The following LUZP4 variants were observed in gnomAD, a reference collection of about 807,000 sequenced individuals.
LUZP4 encodes leucine zipper protein 4.
LUZP4 carries 11 observed loss-of-function variants against 8.5 expected under a neutral mutation model. The observed-to-expected ratio is 1.30, with a 90% CI of 0.82 to 2.14. The LOEUF (loss-of-function observed/expected upper bound fraction) is 2.14, where lower values mean the gene tolerates loss of function less well. LUZP4 is among the 30% of genes most tolerant of loss of function. The pLI, the probability that LUZP4 is intolerant of heterozygous loss-of-function variation, is 0.00. For synonymous variants in LUZP4, 104 were observed against 79.4 expected, an observed-to-expected ratio of 1.31 and a Z score of -1.65; for missense variants, 276 against 229.7, an observed-to-expected ratio of 1.20 and a Z score of -1.30.
Position 115,307,027 on chromosome X carries a change from T to G in LUZP4, c.*223T>G. The G allele has an allele frequency of 2.4e-6, 1 of 412,081 alleles. No individual in the cohort carries two copies. Among genetic ancestry groups the G allele is most frequent in the Non-Finnish European group, 4.2e-6 (1 of 237,303 alleles). 34.0% of individuals were successfully genotyped at this position (412,081 alleles called of 1,213,427 possible). Reference sequence around the variant, plus strand: ...TTAAGTTGTTCCCGGTAGGTCTGCTTTCCCTGGAAGAGCCGTATGTACTCA... The same window carrying G: ...TTAAGTTGTTCCCGGTAGGTCTGCTGTCCCTGGAAGAGCCGTATGTACTCA... On this transcript the variant is annotated 3_prime_UTR_variant, in exon 4 of 4. Coordinates refer to ENST00000371920, the MANE Select transcript of LUZP4 (RefSeq NM_016383.5).
At position 115,293,308 on chromosome X, in the gene LUZP4, T is replaced by A. The variant is rs190136049; in HGVS notation, c.91+3458T>A. ...TTTTTTTCTTTTTTGAAATGGGATC[T>A]CACTCTGTCACCCAGGCTGGAGTGC... On this transcript the variant is annotated intron_variant, in intron 1 of 3. Coordinates refer to ENST00000371920, the MANE Select transcript of LUZP4 (RefSeq NM_016383.5). Among the ~76,000 whole-genome samples the A allele has an allele frequency of 2.7e-5, 3 of 109,307 alleles. No individual in the cohort carries two copies. The Admixed American group carries it at 2.9e-4, about 11-fold the overall frequency. 94.9% of individuals were successfully genotyped at this position (109,307 alleles called of 115,157 possible).
chrX:115,302,021 G>T lies in LUZP4; in HGVS notation c.121G>T (p.Gly41Trp), dbSNP rs1603137962. ...DDIIIYKELE[G>W]TNAEEEKNKR... Reference sequence around the variant, plus strand: ...CATTATAATCTATAAAGAGTTAGAAGGGACAAATGCTGAAGAAGAAAAGAA... The same window carrying T: ...CATTATAATCTATAAAGAGTTAGAATGGACAAATGCTGAAGAAGAAAAGAA... Residue 41 changes from glycine to tryptophan, a missense_variant, in exon 2 of 4, where the codon GGG becomes TGG. Coordinates refer to ENST00000371920, the MANE Select transcript of LUZP4 (RefSeq NM_016383.5). 1.7e-6 allele frequency: 2 copies of T among 1,166,151 alleles called. No individual in the cohort carries two copies. Among genetic ancestry groups the T allele is most frequent in the East Asian group, 6.1e-5 (2 of 33,029 alleles).
chrX:115,289,820 AAAAAGGTTAACT>A lies in LUZP4; in HGVS notation c.62_73del (p.Lys21_Phe25delinsIle). On this transcript the variant is annotated inframe_deletion, in exon 1 of 4. Coordinates refer to ENST00000371920, the MANE Select transcript of LUZP4 (RefSeq NM_016383.5). ...AGTGCCGCCAAATCATCCCAGTCGG[AAAAAGGTTAACT>A]TCCTAGATATGTCTCTAGGTATGTA... The A allele has an allele frequency of 8.3e-7, 1 of 1,204,504 alleles. No individual in the cohort carries two copies. Among genetic ancestry groups the A allele is most frequent in the Non-Finnish European group, 1.1e-6 (1 of 889,786 alleles).
In LUZP4 at chrX:115,306,520, G is replaced by C. The variant is rs879953243; in HGVS notation, c.658G>C (p.Gly220Arg). The C allele has an allele frequency of 6.6e-6, 8 of 1,206,277 alleles. No homozygotes were observed. The highest frequency in any genetic ancestry group is 6.6e-5 in the Admixed American group (3 of 45,405). Reference sequence around the variant, plus strand: ...TCATGGTCACTCAGAGAGATCTCATGGTCACTCAGAGAGATCTCATGGTCA... The same window carrying C: ...TCATGGTCACTCAGAGAGATCTCATCGTCACTCAGAGAGATCTCATGGTCA... Reference protein sequence around the residue: ...RSHGHSERSHGHSERSHGHSK... With the variant: ...RSHGHSERSHRHSERSHGHSK... Residue 220 changes from glycine (G) to arginine (R), a missense_variant, in exon 4 of 4, where the codon GGT becomes CGT. Coordinates refer to ENST00000371920, the MANE Select transcript of LUZP4 (RefSeq NM_016383.5).
intron 1 of LUZP4, among the ~76,000 whole-genome samples, chrX:115,295,621 G>A (rs1263212620): frequency 9.0e-6 from 1 of 111,146 alleles, no homozygotes; most frequent in Non-Finnish European, 1.9e-5. Flanking sequence ...GCTAAAGTAG[G>A]AAAAGGCTCT....
chrX:115,302,571 GT>G (rs1422780144), intron 2 of LUZP4, among the ~76,000 whole-genome samples: 1 of 112,906 alleles, frequency 8.9e-6, no homozygotes, highest in African/African-American at 3.2e-5. Flanking sequence ...AACCTCATTG[GT>G]AATTGCAGTA....
chrX:115,306,476 A>G lies in LUZP4; in HGVS notation c.614A>G (p.His205Arg), dbSNP rs782712614. ...KRSHGQSERS[H>R]GHSERSHGHS... Reference sequence around the variant, plus strand: ...TCTCATGGTCAATCTGAGAGATCTCATGGCCACTCAGAGAGATCTCATGGT... The same window carrying G: ...TCTCATGGTCAATCTGAGAGATCTCGTGGCCACTCAGAGAGATCTCATGGT... Residue 205 changes from histidine (H) to arginine (R), a missense_variant, in exon 4 of 4, where the codon CAT becomes CGT. Coordinates refer to ENST00000371920, the MANE Select transcript of LUZP4 (RefSeq NM_016383.5). 1 of 1,211,526 alleles carries G rather than the reference A, an allele frequency of 8.3e-7. No homozygotes were observed. Among genetic ancestry groups the G allele is most frequent in the Non-Finnish European group, 1.1e-6 (1 of 895,445 alleles).
At chrX:115,294,284 A>G (rs1175701356) in intron 1 of LUZP4, among the ~76,000 whole-genome samples, 3 of 112,496 alleles carry the variant, frequency 2.7e-5, no homozygotes, top group Non-Finnish European at 5.6e-5. Flanking sequence ...AATAAGGGCC[A>G]TAGTTGCAGA....
chrX:115,291,338 A>G (rs968764263), intron 1 of LUZP4, among the ~76,000 whole-genome samples: 5 of 111,048 alleles, frequency 4.5e-5, no homozygotes, highest in East Asian at 2.9e-4. Flanking sequence ...GCCTCAAGCA[A>G]TCCTCCCGGC....
At chrX:115,299,298 C>T (rs2073384939) in intron 1 of LUZP4, among the ~76,000 whole-genome samples, 1 of 110,669 alleles carries the variant, frequency 9.0e-6, no homozygotes, top group East Asian at 2.9e-4. Flanking sequence ...CTCCCGGCTA[C>T]TGCCCAGCTT....
chrX:115,299,924 G>A (rs2073388822), intron 1 of LUZP4, among the ~76,000 whole-genome samples: 1 of 111,878 alleles, frequency 8.9e-6, no homozygotes, highest in African/African-American at 3.3e-5. Flanking sequence ...TGCCAGGGCT[G>A]GGTCCTTTCC....
At chrX:115,291,042 G>A (rs186362326) in intron 1 of LUZP4, among the ~76,000 whole-genome samples, 7 of 110,625 alleles carry the variant, frequency 6.3e-5, no homozygotes, top group Non-Finnish European at 1.1e-4. Context: ...CAAGTGATCC[G>A]CCCTTCTCGG....
intron 2 of LUZP4, among the ~76,000 whole-genome samples, 162 bp from the exon 3 acceptor site, chrX:115,303,138 C>G (rs1385284064): frequency 1.8e-5 from 2 of 111,281 alleles, no homozygotes; most frequent in Non-Finnish European, 3.8e-5. Flanking sequence ...AAAGACTGTT[C>G]TAGAATTCAG....
chrX:115,303,528 A>G (rs2073407392), intron 3 of LUZP4, 110 bp downstream of exon 3: 4 of 358,026 alleles, frequency 1.1e-5, no homozygotes, highest in Middle Eastern at 6.7e-4. Flanking sequence ...GTTTCTTGGT[A>G]TTCCTCCATG....
At chrX:115,299,805 T>A (rs1193914399) in intron 1 of LUZP4, among the ~76,000 whole-genome samples, 1 of 111,643 alleles carries the variant, frequency 9.0e-6, no homozygotes, top group Non-Finnish European at 1.9e-5. Context: ...TGCTGGTACC[T>A]GAAGCCAGCA....
At chrX:115,300,816 C>A (rs899407332) in intron 1 of LUZP4, among the ~76,000 whole-genome samples, 1 of 111,162 alleles carries the variant, frequency 9.0e-6, no homozygotes, top group African/African-American at 3.3e-5. Flanking sequence ...GTGACATTGG[C>A]GATTCAGGAC....
intron 1 of LUZP4, among the ~76,000 whole-genome samples, chrX:115,300,189 C>G (rs1398180137): frequency 9.0e-6 from 1 of 111,467 alleles, no homozygotes; most frequent in Non-Finnish European, 1.9e-5. Flanking sequence ...CTTGGCTGCC[C>G]CAGCTGGTGT....
At chrX:115,300,918 G>GTGTT (rs1293490329) in intron 1 of LUZP4, among the ~76,000 whole-genome samples, 1 of 111,109 alleles carries the variant, frequency 9.0e-6, no homozygotes, top group Non-Finnish European at 1.9e-5. Context: ...TTTTATGAAG[G>GTGTT]TGTTTTTTTC....
chrX:115,304,013 T>A (rs1556602741), intron 3 of LUZP4, among the ~76,000 whole-genome samples: 1 of 112,700 alleles, frequency 8.9e-6, no homozygotes, highest in African/African-American at 3.2e-5. Context: ...TTATCAAAAA[T>A]GGCAGTTCTG....
Sources: gnomAD v4.1 joint callset for allele counts (sites outside exome capture counted in the v4.1 genomes callset) on GRCh38, gnomAD v4.1.1 for gene constraint, MANE v1.5 for transcripts, NCBI Gene and HGNC (gene_info 2026-07-23, HGNC 2026-07-21) for gene names.